The following AGBL1 variants were observed in gnomAD, a reference collection of about 807,000 sequenced individuals.
AGBL1 encodes cytosolic carboxypeptidase 4.
In AGBL1, 130 loss-of-function variants were observed where a neutral mutation model predicts 118.9. The observed-to-expected ratio is 1.09, with a 90% CI of 0.95 to 1.26. The LOEUF is 1.26. Among genes scored for constraint, AGBL1 ranks in the 50% most tolerant of loss-of-function variants. The pLI is 0.00. For synonymous variants in AGBL1, 555 were observed against 478.9 expected, an observed-to-expected ratio of 1.16 and a Z score of -2.08; for missense variants, 1,584 against 1,298.1, an observed-to-expected ratio of 1.22 and a Z score of -3.38.
chr15:86,930,517 GTCA>G (rs2080592457), intron 23 of AGBL1, among the ~76,000 whole-genome samples: 1 of 151,958 alleles, frequency 6.6e-6, no homozygotes, highest in Admixed American at 6.6e-5. Flanking sequence ...TTACTTAGAG[GTCA>G]TCATTTCAAT....
intron 22 of AGBL1, among the ~76,000 whole-genome samples, chr15:86,875,735 T>C (rs1189661058): frequency 1.3e-5 from 2 of 152,210 alleles, no homozygotes; most frequent in African/African-American, 4.8e-5. Flanking sequence ...GGGCTCCTAT[T>C]ACCATTGAGA....
chr15:86,788,697 C>G (rs2078449153), intron 22 of AGBL1, among the ~76,000 whole-genome samples: 1 of 152,110 alleles, frequency 6.6e-6, no homozygotes, highest in South Asian at 2.1e-4. Context: ...CAGACAGTGA[C>G]AAATGTTGTG....
chr15:86,539,094 C>T (rs1314297900), intron 19 of AGBL1, among the ~76,000 whole-genome samples: 1 of 152,030 alleles, frequency 6.6e-6, no homozygotes, highest in South Asian at 2.1e-4. Context: ...CAATCCATAC[C>T]TTCCTGATGA....
At chr15:86,418,752 C>A (rs1054641221) in intron 18 of AGBL1, among the ~76,000 whole-genome samples, 1 of 152,244 alleles carries the variant, frequency 6.6e-6, no homozygotes, top group African/African-American at 2.4e-5. Context: ...CCCACAGGCA[C>A]CTCTCATAAT....
intron 19 of AGBL1, among the ~76,000 whole-genome samples, chr15:86,526,551 T>TATATATATATA (rs1219458762): frequency 7.3e-6 from 1 of 136,598 alleles, no homozygotes; most frequent in African/African-American, 2.9e-5. Context: ...TGTGTATATA[T>TATATATATATA]ATATATATAT....
chr15:86,380,814 C>T (rs2081104411), intron 17 of AGBL1, among the ~76,000 whole-genome samples: 1 of 152,216 alleles, frequency 6.6e-6, no homozygotes, highest in African/African-American at 2.4e-5. Flanking sequence ...TTTGGAGCCA[C>T]ATCTCTTAAT....
chr15:86,760,278 G>T (rs147088115), intron 22 of AGBL1, among the ~76,000 whole-genome samples: 2 of 152,052 alleles, frequency 1.3e-5, no homozygotes, highest in African/African-American at 2.4e-5. Context: ...GGAACTGTAC[G>T]TTAGGGTGTC....
chr15:86,723,961 C>T (rs554739664), intron 22 of AGBL1, among the ~76,000 whole-genome samples: 4 of 152,016 alleles, frequency 2.6e-5, no homozygotes, highest in Non-Finnish European at 4.4e-5. Flanking sequence ...GTAGGCCGGG[C>T]GCAGTGGCTC....
chr15:86,430,953 C>G (rs974076335), intron 18 of AGBL1, among the ~76,000 whole-genome samples: 2 of 152,076 alleles, frequency 1.3e-5, no homozygotes, highest in Admixed American at 1.3e-4. Flanking sequence ...AGGGGTAATA[C>G]TAAAATGCCT....
At position 86,659,971 on chromosome 15, in the gene AGBL1, C is replaced by A. The variant is rs1040554232; in HGVS notation, c.2995-14302C>A. Among the ~76,000 whole-genome samples the A allele has an allele frequency of 2.0e-5, 3 of 152,080 alleles. No individual in the cohort carries two copies. In the East Asian group the frequency reaches 5.8e-4, roughly 30 times the overall value. ...TTGTTATTACTTCCCTGCTCATGGA[C>A]TTTGGGGGCCTCCCAACACAGATGC... On this transcript the variant is annotated intron_variant, in intron 21 of 22. Coordinates refer to ENST00000614907, the MANE Select transcript of AGBL1 (RefSeq NM_001386094.1).
chr15:86,621,530 C>A (rs1439584989), intron 21 of AGBL1, among the ~76,000 whole-genome samples: 1 of 152,178 alleles, frequency 6.6e-6, no homozygotes, highest in Non-Finnish European at 1.5e-5. Context: ...ACAGGGCCAT[C>A]TTCTCAGTGT....
Position 86,297,696 on chromosome 15 carries a change from G to T in AGBL1, c.2374+2288G>T, listed in dbSNP as rs558249450. Among the ~76,000 whole-genome samples the T allele has an allele frequency of 3.9e-5, 6 of 152,212 alleles. No individual in the cohort carries two copies. In the South Asian group the frequency reaches 1.0e-3, roughly 26 times the overall value. ...ATTTGTATGGATTATGTAGCTGATT[G>T]GTATCTTTCATCATGGGGATTAATT... On this transcript the variant is annotated intron_variant, in intron 17 of 22. Coordinates refer to ENST00000614907, the MANE Select transcript of AGBL1 (RefSeq NM_001386094.1).
chr15:86,372,359 G>A (rs755586847), intron 17 of AGBL1, among the ~76,000 whole-genome samples: 2 of 151,168 alleles, frequency 1.3e-5, no homozygotes, highest in Non-Finnish European at 2.9e-5. Flanking sequence ...TCCCCCCTTG[G>A]TGTCTTTTAT....
At chr15:86,442,663 G>T (rs1246349644) in intron 18 of AGBL1, among the ~76,000 whole-genome samples, 1 of 152,198 alleles carries the variant, frequency 6.6e-6, no homozygotes, top group African/African-American at 2.4e-5. Context: ...AGATATAATA[G>T]TGGGAGAATC....
At chr15:86,671,667 A>G (rs1057380209) in intron 21 of AGBL1, among the ~76,000 whole-genome samples, 1 of 152,278 alleles carries the variant, frequency 6.6e-6, no homozygotes, top group Non-Finnish European at 1.5e-5. Flanking sequence ...AATCTGTTTT[A>G]TTTTTAATGC....
intron 18 of AGBL1, among the ~76,000 whole-genome samples, chr15:86,486,032 C>T (rs1031645522): frequency 1.3e-5 from 2 of 152,050 alleles, no homozygotes; most frequent in Non-Finnish European, 2.9e-5. Flanking sequence ...CACTTAGGTT[C>T]TTCTGTTTAC....
intron 22 of AGBL1, among the ~76,000 whole-genome samples, chr15:86,801,324 T>TCTAG (rs1442731125): frequency 6.6e-6 from 1 of 151,036 alleles, no homozygotes; most frequent in Non-Finnish European, 1.5e-5. Context: ...TATCTATCTA[T>TCTAG]CTATCTATCT....
chr15:86,230,272 A>T (rs2078434517), intron 6 of AGBL1, among the ~76,000 whole-genome samples: 1 of 152,212 alleles, frequency 6.6e-6, no homozygotes, highest in South Asian at 2.1e-4. Context: ...CAATGCAGAG[A>T]CGGGAGAATG....
intron 22 of AGBL1, among the ~76,000 whole-genome samples, chr15:86,817,029 C>G (rs16978021): frequency 0.067 from 10,219 of 152,014 alleles, 529 homozygotes; most frequent in East Asian, 0.22. Flanking sequence ...AAGCCTAAAA[C>G]AAGGCATGGC....
Sources: allele counts gnomAD v4.1 joint callset (sites outside exome capture counted in the v4.1 genomes callset), GRCh38; gene constraint gnomAD v4.1.1; transcripts MANE v1.5; gene names NCBI Gene and HGNC (gene_info 2026-07-23, HGNC 2026-07-21).